The following CFAP299 variants were observed in gnomAD, a reference collection of about 807,000 sequenced individuals.
CFAP299 encodes the protein cilia- and flagella-associated protein 299.
In CFAP299, 21 loss-of-function variants were observed where a neutral mutation model predicts 27.0. The ratio of observed to expected loss-of-function variants is 0.78; its 90% CI spans 0.55 to 1.12. The LOEUF is 1.12. Among genes scored for constraint, CFAP299 ranks in the 50% most tolerant of loss-of-function variants. The pLI, the probability that CFAP299 is intolerant of heterozygous loss-of-function variation, is 0.00. For synonymous variants in CFAP299, 104 were observed against 98.1 expected (o/e 1.06, Z -0.36); for missense variants, 310 against 276.6 (o/e 1.12, Z -0.86).
At chr4:80,938,166 T>C (rs563663731) in intron 4 of CFAP299, among the ~76,000 whole-genome samples, 2 of 152,312 alleles carry the variant, frequency 1.3e-5, no homozygotes, top group Admixed American at 6.5e-5. Context: ...CCTTACATAA[T>C]CATTATAGTA....
At chr4:80,885,542 T>C (rs2110180578) in intron 4 of CFAP299, among the ~76,000 whole-genome samples, 1 of 152,168 alleles carries the variant, frequency 6.6e-6, no homozygotes, top group Middle Eastern at 3.4e-3. Context: ...CACAGTGGGA[T>C]AGGGAAACAG....
rs180788122 is a variant in CFAP299, at chr4:80,527,694, A to T, written c.243-55399A>T. On this transcript the variant is annotated intron_variant, in intron 2 of 5. Coordinates refer to ENST00000358105, the MANE Select transcript of CFAP299 (RefSeq NM_152770.3). ...TGACCCTTCTCACCTTTATACTTCT[A>T]TTTATGTCTTTCTCTTTGCCTGGCC... Among the ~76,000 whole-genome samples, 4 of 151,932 alleles carry T rather than the reference A, an allele frequency of 2.6e-5. No individual in the cohort carries two copies. In the East Asian group the frequency reaches 7.7e-4, roughly 29 times the overall value.
At chr4:80,686,834 G>C (rs560024101) in intron 3 of CFAP299, among the ~76,000 whole-genome samples, 1 of 152,114 alleles carries the variant, frequency 6.6e-6, no homozygotes, top group Admixed American at 6.5e-5. Context: ...TGGCATGTGC[G>C]TGGTATAACA....
chr4:80,908,480 G>T (rs1243465531), intron 4 of CFAP299, among the ~76,000 whole-genome samples: 4 of 152,070 alleles, frequency 2.6e-5, no homozygotes, highest in Non-Finnish European at 4.4e-5. Context: ...AACAAAGTTT[G>T]GAAAAAATTA....
chr4:80,939,054 G>C (rs1040569461), intron 4 of CFAP299, among the ~76,000 whole-genome samples: 1 of 152,154 alleles, frequency 6.6e-6, no homozygotes, highest in African/African-American at 2.4e-5. Context: ...AGAGGGGAAT[G>C]TTCCCTTTGT....
At chr4:80,355,335 A>G (rs1480688858) in intron 1 of CFAP299, among the ~76,000 whole-genome samples, 1 of 151,084 alleles carries the variant, frequency 6.6e-6, no homozygotes, top group Non-Finnish European at 1.5e-5. Flanking sequence ...CTTCTTTTGA[A>G]AAGTGTTCAT....
chr4:80,395,120 T>G (rs1725707669), intron 2 of CFAP299, among the ~76,000 whole-genome samples: 1 of 152,088 alleles, frequency 6.6e-6, no homozygotes, highest in African/African-American at 2.4e-5. Context: ...TTTTAATATA[T>G]AGATACTAAT....
At chr4:80,704,049 A>G (rs1267561375) in intron 3 of CFAP299, among the ~76,000 whole-genome samples, 1 of 151,704 alleles carries the variant, frequency 6.6e-6, no homozygotes, top group African/African-American at 2.4e-5. Context: ...GACTAAGAAA[A>G]AGAAATTAAT....
intron 3 of CFAP299, among the ~76,000 whole-genome samples, chr4:80,769,401 T>C (rs1726081389): frequency 6.6e-6 from 1 of 152,098 alleles, no homozygotes; most frequent in Non-Finnish European, 1.5e-5. Context: ...AATTCCTATT[T>C]ATTTATTTTT....
intron 2 of CFAP299, among the ~76,000 whole-genome samples, chr4:80,514,421 A>C (rs1432169142): frequency 2.6e-5 from 4 of 152,118 alleles, no homozygotes; most frequent in African/African-American, 9.6e-5. Context: ...ATGGGAAAAG[A>C]GAAGGCCAAA....
intron 3 of CFAP299, among the ~76,000 whole-genome samples, chr4:80,602,037 A>G (rs1030769699): frequency 6.6e-6 from 1 of 152,210 alleles, no homozygotes; most frequent in Non-Finnish European, 1.5e-5. Flanking sequence ...TTAGAGGGGA[A>G]CAACACATAC....
chr4:80,799,517 T>C (rs1261127022), intron 3 of CFAP299, among the ~76,000 whole-genome samples: 1 of 78,864 alleles, frequency 1.3e-5, no homozygotes, highest in African/African-American at 5.1e-5. Context: ...AATGTATATT[T>C]ATATAATATA....
At chr4:80,358,399 G>C (rs1482523569) in intron 1 of CFAP299, among the ~76,000 whole-genome samples, 1 of 152,016 alleles carries the variant, frequency 6.6e-6, no homozygotes, top group Admixed American at 6.6e-5. Flanking sequence ...ATAATTTTCT[G>C]TCTCGATGAT....
rs564842589 is a variant in CFAP299 at position 80,825,235 on chromosome 4, A to G, written c.334-44758A>G. On this transcript the variant is annotated intron_variant, in intron 3 of 5. Coordinates refer to ENST00000358105, the MANE Select transcript of CFAP299 (RefSeq NM_152770.3). ...TTATTATGTCCGAGGAAAAGAAAAAAAATGATTGAAAAAAGGTAAACAATG... is the reference window on the plus strand; with the variant it reads ...TTATTATGTCCGAGGAAAAGAAAAAGAATGATTGAAAAAAGGTAAACAATG... Among the ~76,000 whole-genome samples the G allele has an allele frequency of 2.0e-4, 30 of 151,990 alleles. No homozygotes were observed. The East Asian group carries it at 4.7e-3, about 24-fold the overall frequency.
chr4:80,856,734 G>C (rs1731920126), intron 3 of CFAP299, among the ~76,000 whole-genome samples: 1 of 152,092 alleles, frequency 6.6e-6, no homozygotes, highest in South Asian at 2.1e-4. Context: ...TGTTATTTCT[G>C]AGGGCTCTGT....
intron 3 of CFAP299, among the ~76,000 whole-genome samples, chr4:80,685,038 T>A (rs1008920604): frequency 1.3e-5 from 2 of 152,158 alleles, no homozygotes; most frequent in Admixed American, 6.5e-5. Context: ...TATTAGAAAA[T>A]CATTGAAAAT....
intron 2 of CFAP299, among the ~76,000 whole-genome samples, chr4:80,439,590 C>T (rs1289438310): frequency 6.6e-6 from 1 of 152,186 alleles, no homozygotes; most frequent in Non-Finnish European, 1.5e-5. Context: ...ATACCAGGGC[C>T]CTGGGTTTCA....
chr4:80,737,358 A>C (rs1003763754), intron 3 of CFAP299, among the ~76,000 whole-genome samples: 3 of 152,112 alleles, frequency 2.0e-5, no homozygotes, highest in Non-Finnish European at 4.4e-5. Flanking sequence ...AGAAAAAAGA[A>C]TGGTATTATT....
intron 3 of CFAP299, among the ~76,000 whole-genome samples, chr4:80,800,466 AT>A (rs1728425042): frequency 2.0e-4 from 2 of 10,026 alleles, no homozygotes; most frequent in Non-Finnish European, 4.6e-4. Flanking sequence ...ATAATATATA[AT>A]ATATAATATA....
Sources: allele counts gnomAD v4.1 joint callset (sites outside exome capture counted in the v4.1 genomes callset), GRCh38; gene constraint gnomAD v4.1.1; transcripts MANE v1.5; gene names NCBI Gene and HGNC (gene_info 2026-07-23, HGNC 2026-07-21).